AKAP19: variants seen among roughly 807,000 people sequenced by gnomAD.
AKAP19 encodes the protein small A-kinase anchoring protein.
At chr2:190,138,020 T>C in the AKAP19 span, among the ~76,000 whole-genome samples, 6 of 131,602 alleles carry the variant, frequency 4.6e-5, no homozygotes, top group Non-Finnish European at 6.8e-5. Flanking sequence ...TGAAAAACCA[T>C]TGACATCCAT....
At chr2:190,154,379 T>C in the AKAP19 span, among the ~76,000 whole-genome samples, 1 of 152,242 alleles carries the variant, frequency 6.6e-6, no homozygotes, top group East Asian at 1.9e-4. Context: ...ATCTGTCTTA[T>C]TTTTAGTGTA....
At chr2:189,975,493 C>T in the AKAP19 span, among the ~76,000 whole-genome samples, 5 of 152,040 alleles carry the variant, frequency 3.3e-5, no homozygotes, top group Admixed American at 6.5e-5. Flanking sequence ...ATCTTTGTGG[C>T]GTTCTCTGTA....
chr2:190,078,337 G>T, the AKAP19 span, among the ~76,000 whole-genome samples: 1 of 152,028 alleles, frequency 6.6e-6, no homozygotes, highest in Admixed American at 6.6e-5. Flanking sequence ...TTTACCCTAT[G>T]TTCTAATTGT....
chr2:189,891,223 CTTTTT>C, the AKAP19 span, among the ~76,000 whole-genome samples: 4 of 110,466 alleles, frequency 3.6e-5, no homozygotes, highest in African/African-American at 1.2e-4. Context: ...TTTTTTTTTC[CTTTTT>C]TTTTTTTTTT....
At chr2:190,146,491 A>G in the AKAP19 span, among the ~76,000 whole-genome samples, 1 of 152,142 alleles carries the variant, frequency 6.6e-6, no homozygotes, top group African/African-American at 2.4e-5. Context: ...TTGAATTATG[A>G]CTTATTTTCC....
chr2:189,952,624 C>T, the AKAP19 span, among the ~76,000 whole-genome samples: 1 of 152,126 alleles, frequency 6.6e-6, no homozygotes, highest in South Asian at 2.1e-4. Flanking sequence ...AAAAGATCAA[C>T]GTTTCAATAT....
chr2:190,045,404 G>A, the AKAP19 span, among the ~76,000 whole-genome samples: 4 of 151,954 alleles, frequency 2.6e-5, no homozygotes, highest in African/African-American at 9.7e-5. Flanking sequence ...ATTTCTGTCA[G>A]CTGGAGAACA....
At chr2:190,078,077 C>G in the AKAP19 span, among the ~76,000 whole-genome samples, 11 of 152,238 alleles carry the variant, frequency 7.2e-5, no homozygotes, top group Admixed American at 5.9e-4. Flanking sequence ...ACCTCTAGAG[C>G]CTTTCTTTGC....
At chr2:189,889,265 T>G in the AKAP19 span, among the ~76,000 whole-genome samples, 1 of 152,238 alleles carries the variant, frequency 6.6e-6, no homozygotes, top group Non-Finnish European at 1.5e-5. Flanking sequence ...GAACCAGTCT[T>G]GCATCCCAGT....
the AKAP19 span, among the ~76,000 whole-genome samples, chr2:190,018,290 C>T: frequency 6.6e-6 from 1 of 151,842 alleles, no homozygotes; most frequent in African/African-American, 2.4e-5. Flanking sequence ...AACTTTTTAC[C>T]TCTTGATGAT....
chr2:189,973,194 G>C, the AKAP19 span, among the ~76,000 whole-genome samples: 58 of 152,166 alleles, frequency 3.8e-4, no homozygotes, highest in Non-Finnish European at 4.6e-4. Flanking sequence ...TAGCATAAAG[G>C]GCTGTTGAAT....
At chr2:190,009,196 G>A in the AKAP19 span, among the ~76,000 whole-genome samples, 3 of 152,140 alleles carry the variant, frequency 2.0e-5, no homozygotes, top group Non-Finnish European at 4.4e-5. Context: ...CCTTGTAGAG[G>A]ACTTTGTCTT....
the AKAP19 span, among the ~76,000 whole-genome samples, chr2:189,912,819 G>C: frequency 6.6e-6 from 1 of 151,924 alleles, no homozygotes; most frequent in East Asian, 1.9e-4. Flanking sequence ...CTTTTGACGT[G>C]AAAAGTTACT....
At chr2:190,075,502 T>C in the AKAP19 span, among the ~76,000 whole-genome samples, 61 of 152,328 alleles carry the variant, frequency 4.0e-4, no homozygotes, top group Non-Finnish European at 7.2e-4. Context: ...AAATGTATTT[T>C]AAAGCTCTAT....
At chr2:189,923,685 G>A in the AKAP19 span, 5 of 1,613,870 alleles carry the variant, frequency 3.1e-6, no homozygotes, top group East Asian at 2.2e-5. Flanking sequence ...GACTTTCAAC[G>A]GGACTATTAT....
chr2:189,972,325 G>T, the AKAP19 span, among the ~76,000 whole-genome samples: 33 of 152,112 alleles, frequency 2.2e-4, no homozygotes, highest in East Asian at 3.9e-4. Context: ...GGTTCTGTTC[G>T]GTTCCATTGA....
chr2:190,060,427 G>T, the AKAP19 span: 4 of 1,609,354 alleles, frequency 2.5e-6, no homozygotes. Flanking sequence ...ACTTGCATTA[G>T]AAAATCAGCT....
chr2:190,004,858 T>G, the AKAP19 span, among the ~76,000 whole-genome samples: 92,765 of 151,994 alleles, frequency 0.61, 31,928 homozygotes, highest in South Asian at 0.79. Flanking sequence ...AACACTGTTG[T>G]AGGTTCAGTT....
the AKAP19 span, among the ~76,000 whole-genome samples, chr2:190,161,949 G>A: frequency 6.6e-6 from 1 of 152,102 alleles, no homozygotes; most frequent in Non-Finnish European, 1.5e-5. Context: ...AAATCAAGGT[G>A]TTTATTTTTG....
Sources: gnomAD v4.1 joint callset for allele counts (sites outside exome capture counted in the v4.1 genomes callset) on GRCh38, gnomAD v4.1.1 for gene constraint, MANE v1.5 for transcripts, NCBI Gene and HGNC (gene_info 2026-07-23, HGNC 2026-07-21) for gene names.